HELZ: variants seen among roughly 807,000 people sequenced by gnomAD.
The protein encoded by HELZ is ATP-dependent RNA helicase with zinc finger domain.
In HELZ, 23 loss-of-function variants were observed where a neutral mutation model predicts 218.2. That is an observed-to-expected ratio of 0.11 (90% CI 0.08 to 0.15). The LOEUF is 0.15. Among genes scored for constraint, HELZ ranks in the 10% least tolerant of loss-of-function variants. The probability of loss-of-function intolerance (pLI) is 1.00; values close to 1 mark genes in which losing one functional copy is unlikely to be tolerated. For synonymous variants in HELZ, 814 were observed against 829.4 expected, an observed-to-expected ratio of 0.98 and a Z score of 0.32; for missense variants, 1,813 against 2,353.7, an observed-to-expected ratio of 0.77 and a Z score of 4.75.
At position 67,136,194 on chromosome 17, in the gene HELZ, C is replaced by G; in HGVS notation, c.2958G>C (p.Lys986Asn). 3.8e-6 allele frequency: 6 copies of G among 1,599,686 alleles called. No homozygotes were observed. The highest frequency in any genetic ancestry group is 5.1e-6 in the Non-Finnish European group (6 of 1,174,292). ...TGCTAAGAAACAAAACTCTGAATTG[C>G]TTTCCTACAAAGAAAATTTTTTAAG... is the stretch of plus-strand genomic sequence containing the variant. ...NVERVLNVQG[K>N]QFRVLFLSTV... is the part of the protein sequence containing the mutation. The change falls in exon 23 of 33, where the codon AAG (lysine) becomes AAC (asparagine). Residue 986 changes from lysine to asparagine, a missense_variant. Physicochemically the swap from Lys to Asn is moderately conservative, Grantham distance 94 (BLOSUM62 0). Around this residue, in one of 4 missense-constraint regions of HELZ, gnomAD observed 156 missense variants for 274.4 expected, o/e 0.57. Coordinates refer to ENST00000358691, the MANE Select transcript of HELZ (RefSeq NM_014877.4).
chr17:67,148,316 T>C (rs1443770444), intron 20 of HELZ, among the ~76,000 whole-genome samples: 1 of 152,218 alleles, frequency 6.6e-6, no homozygotes, highest in African/African-American at 2.4e-5. Context: ...TCTTCTGTGT[T>C]AATTGTTGTG....
upstream of HELZ, chr17:67,245,259 C>T: frequency 5.1e-6 from 5 of 971,874 alleles, no homozygotes; most frequent in Non-Finnish European, 4.9e-6. Flanking sequence ...CTCCCGCCTC[C>T]CGCCGCCGGC....
At chr17:67,132,753 G>A (rs1459052991) in intron 23 of HELZ, among the ~76,000 whole-genome samples, 8 of 151,892 alleles carry the variant, frequency 5.3e-5, no homozygotes, top group Non-Finnish European at 2.9e-5. Flanking sequence ...TTGATTAACA[G>A]AAAAAAATCT....
chr17:67,218,527 C>T (rs2040664840), intron 4 of HELZ, 68 bp downstream of exon 4: 9 of 1,160,324 alleles, frequency 7.8e-6, no homozygotes, highest in East Asian at 4.7e-5. Context: ...CTATTTGTAT[C>T]GTCACCCCTC....
chr17:67,122,231 T>C (rs148674954), intron 26 of HELZ, among the ~76,000 whole-genome samples: 1,671 of 152,198 alleles, frequency 0.011, 20 homozygotes, highest in South Asian at 0.018. Context: ...GGGGAAACCC[T>C]GTCTCTACCA....
intron 31 of HELZ, among the ~76,000 whole-genome samples, chr17:67,094,365 C>A (rs559703173): frequency 3.0e-5 from 4 of 131,736 alleles, no homozygotes; most frequent in African/African-American, 1.2e-4. Context: ...TACAGGCATA[C>A]CTTGGAGATA....
In HELZ at chr17:67,180,525, CAT is replaced by C. The variant is rs201190259; in HGVS notation, c.1163-1601_1163-1600del. On this transcript the variant is annotated intron_variant, in intron 12 of 32. Coordinates refer to ENST00000358691, the MANE Select transcript of HELZ (RefSeq NM_014877.4). The stretch of plus-strand genomic sequence containing the variant: ...TTAGGAAGCTGAAGCGGGAGGATCA[CAT>C]GAGGTCAGGAGTTCCAGAACAGCAT... Among the ~76,000 whole-genome samples, 505 of 152,180 alleles carry C rather than the reference CAT, an allele frequency of 3.3e-3. 6 individuals are homozygous for C. Among genetic ancestry groups the C allele is most frequent in the Admixed American group, 0.027 (407 of 15,278 alleles).
chr17:67,088,148 T>G (rs771715854), intron 31 of HELZ, among the ~76,000 whole-genome samples: 1 of 152,226 alleles, frequency 6.6e-6, no homozygotes, highest in Non-Finnish European at 1.5e-5. Flanking sequence ...TATAATTATT[T>G]TAATGTAATA....
At chr17:67,210,247 T>C (rs2040416640) in intron 5 of HELZ, among the ~76,000 whole-genome samples, 1 of 152,082 alleles carries the variant, frequency 6.6e-6, no homozygotes, top group African/African-American at 2.4e-5. Flanking sequence ...CAAATTCTTC[T>C]CAGAAGAAAG....
chr17:67,191,768 T>A (rs1462728916), intron 9 of HELZ, among the ~76,000 whole-genome samples: 2 of 151,628 alleles, frequency 1.3e-5, no homozygotes, highest in African/African-American at 4.8e-5. Flanking sequence ...ATTAACTTTT[T>A]TTTTTTTTTT....
chr17:67,196,597 G>GGTGC (rs2040036422), intron 7 of HELZ, among the ~76,000 whole-genome samples: 2 of 146,166 alleles, frequency 1.4e-5, no homozygotes, highest in African/African-American at 5.0e-5. Flanking sequence ...TGGATGGATG[G>GGTGC]ATGGATGGGT....
chr17:67,201,867 T>C (rs2040177817), intron 6 of HELZ, among the ~76,000 whole-genome samples: 1 of 152,244 alleles, frequency 6.6e-6, no homozygotes, highest in South Asian at 2.1e-4. Context: ...TTTTAGCTTT[T>C]AAGTTCATTT....
chr17:67,107,096 T>C, intron 31 of HELZ, 73 bp downstream of exon 31: 1 of 1,333,620 alleles, frequency 7.5e-7, no homozygotes, highest in Non-Finnish European at 1.0e-6. Flanking sequence ...TGTGCCTTCC[T>C]ATTATCAAAT....
At chr17:67,233,939 G>A (rs936316086) in intron 3 of HELZ, among the ~76,000 whole-genome samples, 3 of 151,440 alleles carry the variant, frequency 2.0e-5, no homozygotes, top group South Asian at 2.1e-4. Context: ...CCAGCTACTC[G>A]GGAGGCTGAG....
chr17:67,109,589 G>C lies in HELZ; in HGVS notation c.4016C>G (p.Pro1339Arg). ...AGGAAGGGGAAGATTTATGTGTCTTGGGTTGAGATTATCTTTGCGAGGAAA... is the reference window on the plus strand; with the variant it reads ...AGGAAGGGGAAGATTTATGTGTCTTCGGTTGAGATTATCTTTGCGAGGAAA... The part of the protein sequence containing the change: ...TKFPRKDNLN[P>R]RHINLPLPAP... The change falls in exon 29 of 33, where the codon CCA (proline) becomes CGA (arginine). Residue 1339 changes from proline (P) to arginine (R), a missense_variant. By Grantham distance (103) the Pro-to-Arg change is moderately radical. Transcript: ENST00000358691. 1.2e-6 allele frequency: 2 copies of C among 1,614,130 alleles called. No homozygotes were observed. Among genetic ancestry groups the C allele is most frequent in the East Asian group, 4.5e-5 (2 of 44,888 alleles).
At chr17:67,197,405 T>C (rs942938809) in intron 7 of HELZ, among the ~76,000 whole-genome samples, 4 of 152,306 alleles carry the variant, frequency 2.6e-5, no homozygotes, top group African/African-American at 4.8e-5. Flanking sequence ...CAGACTAATA[T>C]ACTTAGCTAT....
chr17:67,127,083 G>A (rs1170006004), intron 24 of HELZ, among the ~76,000 whole-genome samples: 1 of 152,170 alleles, frequency 6.6e-6, no homozygotes, highest in Non-Finnish European at 1.5e-5. Context: ...TGCCTTAAGT[G>A]AGCTTATCTT....
At chr17:67,158,744 AACT>A (rs924180390) in intron 17 of HELZ, among the ~76,000 whole-genome samples, 33 of 152,328 alleles carry the variant, frequency 2.2e-4, no homozygotes, top group African/African-American at 7.9e-4. Context: ...GGGCCACAAC[AACT>A]ATACATGTAC....
intron 15 of HELZ, 51 bp from the exon 16 acceptor site, chr17:67,161,127 G>T: frequency 1.5e-6 from 2 of 1,343,702 alleles, no homozygotes; most frequent in South Asian, 2.8e-5. Flanking sequence ...TTAATAAATA[G>T]AACATAACAC....
Sources: gnomAD v4.1 joint callset for allele counts (sites outside exome capture counted in the v4.1 genomes callset) on GRCh38, gnomAD v4.1.1 for gene constraint, gnomAD v4.1.1 regional missense constraint, MANE v1.5 for transcripts, NCBI Gene and HGNC (gene_info 2026-07-23, HGNC 2026-07-21) for gene names.